AFDN: variants seen among roughly 807,000 people sequenced by gnomAD.
The protein encoded by AFDN is afadin.
A neutral mutation model predicts 216.6 loss-of-function variants in AFDN; 68 were observed. The ratio of observed to expected loss-of-function variants is 0.31; its 90% confidence interval spans 0.26 to 0.38. AFDN has a LOEUF of 0.38. Ranked by LOEUF, AFDN falls within the 10% of genes least tolerant of loss-of-function variation. AFDN has a pLI of 1.00. For missense variants in AFDN, 2,136 were observed against 2,342.0 expected, an observed-to-expected ratio of 0.91 and a Z score of 1.82; for synonymous variants, 868 against 853.7, an observed-to-expected ratio of 1.02 and a Z score of -0.29.
At position 167,962,757 on chromosome 6, in the gene AFDN, T is replaced by C; in HGVS notation, c.4968+190T>C. On this transcript the variant is annotated intron_variant, in intron 31 of 33. Transcript: ENST00000683244. The surrounding 1 kb of genome is among the most constrained non-coding windows in gnomAD (Gnocchi z 5.2). The stretch of plus-strand genomic sequence containing the variant: ...TGGCCCACCTACCTCTCTTCTGGAC[T>C]GTCTCCAGATCCCCTTATCTGCCAA... 1.4e-6 allele frequency: 2 copies of C among 1,444,772 alleles called. No individual in the cohort carries two copies. Among genetic ancestry groups the C allele is most frequent in the South Asian group, 1.5e-5 (1 of 66,216 alleles). 89.5% of individuals were successfully genotyped at this position (1,444,772 alleles called of 1,614,324 possible).
At position 167,870,374 on chromosome 6, in the gene AFDN, G is replaced by GTT; in HGVS notation, c.302-9_302-8dup. On this transcript the variant is annotated splice_polypyrimidine_tract_variant and intron_variant, in intron 2 of 33. Coordinates refer to ENST00000683244, the MANE Select transcript of AFDN (RefSeq NM_001386888.1). ...TAGCTTATTCTTTTTTTCATTTCAT[G>GTT]TTTTGAAGAAGAAAGAAGATTGGAT... is the stretch of plus-strand genomic sequence containing the variant. The GTT allele has an allele frequency of 6.6e-7, 1 of 1,513,224 alleles. No individual in the cohort carries two copies. Among genetic ancestry groups the GTT allele is most frequent in the Non-Finnish European group, 9.1e-7 (1 of 1,103,026 alleles). 93.7% of individuals were successfully genotyped at this position (1,513,224 alleles called of 1,614,324 possible).
chr6:167,951,581 G>T lies in AFDN; in HGVS notation c.4227G>T (p.Ala1409=), dbSNP rs62427711. 1.2e-6 allele frequency: 2 copies of T among 1,614,040 alleles called. No homozygotes were observed. The highest frequency in any genetic ancestry group is 1.3e-5 in the African/African-American group (1 of 75,052). ...PSANQIGLPS[A]QVAAAERRKR... Reference sequence around the variant, plus strand: ...CCAACCAGATAGGGCTGCCGTCTGCGCAGGTGGCTGCTGCTGAACGGAGAA... The same window carrying T: ...CCAACCAGATAGGGCTGCCGTCTGCTCAGGTGGCTGCTGCTGAACGGAGAA... The change falls in exon 30 of 34, where the codon GCG becomes GCT. Residue 1409 remains alanine (A), a synonymous_variant. Coordinates refer to ENST00000683244, the MANE Select transcript of AFDN (RefSeq NM_001386888.1). This position sits in a 1 kb window ranked among gnomAD's most constrained non-coding sequence, Gnocchi z 7.1.
chr6:167,964,992 G>C (rs1190232889), intron 31 of AFDN: 1 of 1,050,474 alleles, frequency 9.5e-7, no homozygotes, highest in Non-Finnish European at 1.1e-6. Context: ...AAAATGTACA[G>C]TATGTGTCAA....
At chr6:167,921,225 C>T (rs775012379) in intron 21 of AFDN, among the ~76,000 whole-genome samples, 2 of 152,354 alleles carry the variant, frequency 1.3e-5, no homozygotes, top group South Asian at 4.1e-4. Flanking sequence ...GGCGGATCCT[C>T]ACCAAGTTGG....
intron 32 of AFDN, among the ~76,000 whole-genome samples, chr6:167,966,780 C>T (rs541348841): frequency 1.2e-4 from 18 of 152,302 alleles, no homozygotes; most frequent in South Asian, 8.3e-4. Flanking sequence ...TTGGTGTGGC[C>T]GGAGCATCCG....
At chr6:167,830,794 A>G (rs1290647320) in intron 1 of AFDN, among the ~76,000 whole-genome samples, 1 of 152,182 alleles carries the variant, frequency 6.6e-6, no homozygotes, top group Non-Finnish European at 1.5e-5. Flanking sequence ...GTGTGTAAGA[A>G]ATAACTTTGT....
chr6:167,918,729 A>G lies in AFDN; in HGVS notation c.2710-6A>G, dbSNP rs896051532. ...CTTTTTAATTTTGCGTTTGTTTTCC[A>G]AACAGGATCTTATAGAAAATGTAGT... is the stretch of plus-strand genomic sequence containing the variant. On this transcript the variant is annotated splice_region_variant and splice_polypyrimidine_tract_variant and intron_variant, in intron 20 of 33. Coordinates refer to ENST00000683244, the MANE Select transcript of AFDN (RefSeq NM_001386888.1). 6 of 1,613,958 alleles carry G rather than the reference A, an allele frequency of 3.7e-6. No homozygotes were observed. In the African/African-American group the frequency reaches 6.7e-5, roughly 18 times the overall value.
intron 8 of AFDN, among the ~76,000 whole-genome samples, chr6:167,892,327 A>G (rs113082242): frequency 0.09 from 13,708 of 152,238 alleles, 1,227 homozygotes; most frequent in African/African-American, 0.23. Context: ...TTGTGTGTCT[A>G]TAATGTGTGT....
chr6:167,937,239 G>A (rs748414272), intron 23 of AFDN, among the ~76,000 whole-genome samples: 3 of 152,194 alleles, frequency 2.0e-5, no homozygotes, highest in Non-Finnish European at 4.4e-5. Flanking sequence ...ATCTAGATCC[G>A]TATTCTTTAC....
intron 30 of AFDN, among the ~76,000 whole-genome samples, chr6:167,959,368 C>T (rs991955360): frequency 3.3e-5 from 5 of 152,154 alleles, no homozygotes; most frequent in Admixed American, 6.6e-5. Flanking sequence ...ATGAGGAAAT[C>T]GGTCCCTAAG....
intron 22 of AFDN, 128 bp downstream of exon 22, chr6:167,923,087 G>A: frequency 1.7e-6 from 1 of 593,774 alleles, no homozygotes. Context: ...GTTAAATACT[G>A]ATATTCAGAA....
At chr6:167,938,973 A>C (rs980297294) in intron 23 of AFDN, among the ~76,000 whole-genome samples, 1 of 152,162 alleles carries the variant, frequency 6.6e-6, no homozygotes, top group African/African-American at 2.4e-5. Flanking sequence ...TTCATTTCTG[A>C]TATCATTCTA....
chr6:167,969,482 G>A (rs1562361701), intron 33 of AFDN, among the ~76,000 whole-genome samples: 1 of 152,082 alleles, frequency 6.6e-6, no homozygotes, highest in Non-Finnish European at 1.5e-5. Flanking sequence ...TTTTAAAACT[G>A]TACCCCTCAG....
chr6:167,958,725 A>G (rs898066664), intron 30 of AFDN, among the ~76,000 whole-genome samples: 1 of 152,184 alleles, frequency 6.6e-6, no homozygotes, highest in African/African-American at 2.4e-5. Flanking sequence ...TTTTGCGTGG[A>G]ACTGTAGAAA....
chr6:167,846,744 G>T lies in AFDN; in HGVS notation c.106-17807G>T, dbSNP rs9455905. The stretch of plus-strand genomic sequence containing the variant: ...TTTTTTTTTTTCAATGTATCTTAGA[G>T]AATCTTCTATGAGATTTGGGGGAGG... On this transcript the variant is annotated intron_variant, in intron 1 of 33. Coordinates refer to ENST00000683244, the MANE Select transcript of AFDN (RefSeq NM_001386888.1). Among the ~76,000 whole-genome samples the T allele has an allele frequency of 9.7e-5, 13 of 134,154 alleles. No individual in the cohort carries two copies. In the Admixed American group the frequency reaches 9.9e-4, roughly 10 times the overall value. 88.0% of individuals were successfully genotyped at this position (134,154 alleles called of 152,430 possible).
intron 21 of AFDN, among the ~76,000 whole-genome samples, chr6:167,921,883 C>G (rs991160273): frequency 6.6e-6 from 1 of 151,130 alleles, no homozygotes; most frequent in African/African-American, 2.4e-5. Flanking sequence ...CCTTTTTTGC[C>G]TACCATAAAT....
In AFDN at chr6:167,970,749, G is replaced by A. The variant is rs1797970141; in HGVS notation, c.*814G>A. 4.6e-6 allele frequency: 1 copy of A among 216,960 alleles called. No homozygotes were observed. Among genetic ancestry groups the A allele is most frequent in the African/African-American group, 2.3e-5 (1 of 44,364 alleles). The allele number at this position is 216,960 out of a possible 1,614,324, so 13.4% of individuals were successfully genotyped here. Reference sequence around the variant, plus strand: ...ACCTTGGAAAGTTCACTAATACTTCGCTCCAAGGCGTCTGTAAAAGAAGAT... The same window carrying A: ...ACCTTGGAAAGTTCACTAATACTTCACTCCAAGGCGTCTGTAAAAGAAGAT... On this transcript the variant is annotated 3_prime_UTR_variant, in exon 34 of 34. Transcript: ENST00000683244.
chr6:167,926,778 GGTACTTTTA>G lies in AFDN; in HGVS notation c.3099+1689_3099+1697del, dbSNP rs534941601. 7.0e-3 allele frequency among the ~76,000 whole-genome samples: 1,066 copies of G among 152,206 alleles called. 15 individuals are homozygous for G. The highest frequency in any genetic ancestry group is 0.024 in the African/African-American group (1,014 of 41,522). On this transcript the variant is annotated intron_variant, in intron 23 of 33. Transcript: ENST00000683244. ...TGCTCATCTCTGTCCCCTAAATCAG[GGTACTTTTA>G]GAACTGGAATTAAATCATGAGTTTG...
chr6:167,962,638 G>A lies in AFDN; in HGVS notation c.4968+71G>A, dbSNP rs1474936021. The A allele has an allele frequency of 1.2e-6, 2 of 1,603,870 alleles. No individual in the cohort carries two copies. The highest frequency in any genetic ancestry group is 1.7e-6 in the Non-Finnish European group (2 of 1,172,228). On this transcript the variant is annotated intron_variant, in intron 31 of 33. Coordinates refer to ENST00000683244, the MANE Select transcript of AFDN (RefSeq NM_001386888.1). The surrounding 1 kb of genome is among the most constrained non-coding windows in gnomAD (Gnocchi z 5.2). ...AACGTAATCGATTGGCTGGGGCAGA[G>A]CGGGCTGGAAGTTCTGTGTTTCTTA...
Sources: allele counts gnomAD v4.1 joint callset (sites outside exome capture counted in the v4.1 genomes callset), GRCh38; gene constraint gnomAD v4.1.1; non-coding constraint Gnocchi (gnomAD v3.1); transcripts MANE v1.5; gene names NCBI Gene and HGNC (gene_info 2026-07-23, HGNC 2026-07-21).